NPC1L1: variants seen among roughly 807,000 people sequenced by gnomAD.
NPC1L1 encodes NPC1-like intracellular cholesterol transporter 1.
NPC1L1 carries 98 observed loss-of-function variants against 117.0 expected under a neutral mutation model. The observed-to-expected ratio is 0.84, with a 90% confidence interval of 0.71 to 0.99. The LOEUF is 0.99. NPC1L1 is among the 50% of genes least tolerant of loss of function. The pLI, the probability that NPC1L1 is intolerant of heterozygous loss-of-function variation, is 0.00. For synonymous variants in NPC1L1, 729 were observed against 727.6 expected (o/e 1.00, Z -0.03); for missense variants, 1,540 against 1,710.0 (o/e 0.90, Z 1.75).
In NPC1L1 at chr7:44,536,617, A is replaced by T. The variant is rs1801903720; in HGVS notation, c.1682-189T>A. On this transcript the variant is annotated intron_variant, in intron 3 of 18. Coordinates refer to ENST00000381160, the MANE Select transcript of NPC1L1 (RefSeq NM_001101648.2). This position sits in a 1 kb window ranked among gnomAD's most constrained non-coding sequence, Gnocchi z 4.7. ...ACCCCACTTCTCTCAGCCAAAGGCGAGACCTTTGGGCCCAGGCAGAAAAAC... is the reference window on the plus strand; with the variant it reads ...ACCCCACTTCTCTCAGCCAAAGGCGTGACCTTTGGGCCCAGGCAGAAAAAC... Among the ~76,000 whole-genome samples the T allele has an allele frequency of 6.6e-6, 1 of 152,044 alleles. No individual in the cohort carries two copies. The highest frequency in any genetic ancestry group is 2.4e-5 in the African/African-American group (1 of 41,376).
At position 44,517,190 on chromosome 7, in the gene NPC1L1, G is replaced by C. The variant is rs1563201091; in HGVS notation, c.3287+17C>G. 1 of 1,614,050 alleles carries C rather than the reference G, an allele frequency of 6.2e-7. No homozygotes were observed. The highest frequency in any genetic ancestry group is 1.3e-5 in the African/African-American group (1 of 75,060). ...CCATACCCCACCTCCCTCCAGCCCAGCCACTCAGGTCCTCACGTGTAGGGG... is the reference window on the plus strand; with the variant it reads ...CCATACCCCACCTCCCTCCAGCCCACCCACTCAGGTCCTCACGTGTAGGGG... On this transcript the variant is annotated intron_variant, in intron 15 of 18. Coordinates refer to ENST00000381160, the MANE Select transcript of NPC1L1 (RefSeq NM_001101648.2).
chr7:44,525,264 A>AT (rs113263098), intron 10 of NPC1L1, among the ~76,000 whole-genome samples: 489 of 147,908 alleles, frequency 3.3e-3, no homozygotes, highest in Non-Finnish European at 5.0e-3. Context: ...GGATATTATA[A>AT]TTTTTTTTTT....
intron 10 of NPC1L1, among the ~76,000 whole-genome samples, chr7:44,523,158 C>T (rs1352859045): frequency 2.6e-5 from 4 of 152,166 alleles, no homozygotes; most frequent in African/African-American, 9.7e-5. Context: ...TGGGTTCAAG[C>T]GATTCTTGTG....
chr7:44,516,284 G>A (rs912646998), intron 16 of NPC1L1, 87 bp from the exon 17 acceptor site: 30 of 1,121,442 alleles, frequency 2.7e-5, no homozygotes, highest in Middle Eastern at 2.6e-4. Flanking sequence ...ACCAGCGTGG[G>A]GCAGGCATCT....
intron 12 of NPC1L1, 44 bp from the exon 13 acceptor site, chr7:44,521,162 G>T: frequency 6.2e-7 from 1 of 1,613,076 alleles, no homozygotes. Flanking sequence ...CCCAGGGCCA[G>T]CAGCTCCTGC....
chr7:44,535,783 T>G, intron 5 of NPC1L1, 57 bp downstream of exon 5: 1 of 1,610,556 alleles, frequency 6.2e-7, no homozygotes, highest in South Asian at 1.1e-5. Context: ...GAAGGCCTAC[T>G]GAAGATGCCT....
At position 44,520,944 on chromosome 7, in the gene NPC1L1, G is replaced by T. The variant is rs766624429; in HGVS notation, c.3080+48C>A. ...GCCTCTCTATATTCAACCCCATCCT[G>T]TGTCCCACATGTCTGTCCTCCCCAG... On this transcript the variant is annotated intron_variant, in intron 13 of 18. Transcript: ENST00000381160. 6.8e-6 allele frequency: 11 copies of T among 1,613,898 alleles called. No homozygotes were observed. In the South Asian group the frequency reaches 1.2e-4, roughly 18 times the overall value.
chr7:44,527,764 A>G (rs1243284759), intron 10 of NPC1L1, among the ~76,000 whole-genome samples: 1 of 152,198 alleles, frequency 6.6e-6, no homozygotes, highest in East Asian at 1.9e-4. Flanking sequence ...CTTTTTGTAC[A>G]TGATTTAAGA....
chr7:44,536,357 G>T lies in NPC1L1; in HGVS notation c.1753C>A (p.Arg585Ser). The T allele has an allele frequency of 6.2e-7, 1 of 1,614,184 alleles. No individual in the cohort carries two copies. The highest frequency in any genetic ancestry group is 1.7e-5 in the Admixed American group (1 of 60,032). Residue 585 changes from arginine (R) to serine (S), a missense_variant, in exon 4 of 19, where the codon CGT becomes AGT. Around this residue, in one of 3 missense-constraint regions of NPC1L1, gnomAD observed 793 missense variants for 820.4 expected, o/e 0.97. Coordinates refer to ENST00000381160, the MANE Select transcript of NPC1L1 (RefSeq NM_001101648.2). The surrounding 1 kb of genome is among the most constrained non-coding windows in gnomAD (Gnocchi z 4.7). Reference protein sequence around the residue: ...SLNNYPAGDPRLAQAKLWEEA... With the variant: ...SLNNYPAGDPSLAQAKLWEEA... ...TCCCACAGCTTGGCCTGGGCCAGAC[G>T]GGGGTCCCCGGCAGGGTAATTGTTG...
In NPC1L1 at chr7:44,539,402, G is replaced by A. The variant is rs1235715863; in HGVS notation, c.995C>T (p.Ser332Phe). Reference protein sequence around the residue: ...GTSLSDKLSFSTHTLLGQFFQ... With the variant: ...GTSLSDKLSFFTHTLLGQFFQ... ...GAACTGGCCAAGGAGGGTGTGGGTGGAGAAGCTGAGCTTGTCAGAGAGGCT... is the reference window on the plus strand; with the variant it reads ...GAACTGGCCAAGGAGGGTGTGGGTGAAGAAGCTGAGCTTGTCAGAGAGGCT... Residue 332 changes from serine to phenylalanine, a missense_variant, in exon 2 of 19, where the codon TCC becomes TTC. Ser to Phe is a radical substitution (Grantham distance 155). This residue lies in a region of NPC1L1 where 793 missense variants were observed against 820.4 expected (regional missense o/e 0.97). Coordinates refer to ENST00000381160, the MANE Select transcript of NPC1L1 (RefSeq NM_001101648.2). This position sits in a 1 kb window ranked among gnomAD's most constrained non-coding sequence, Gnocchi z 4.4. The A allele has an allele frequency of 6.2e-7, 1 of 1,614,076 alleles. No homozygotes were observed. The highest frequency in any genetic ancestry group is 1.7e-5 in the Admixed American group (1 of 60,026).
Position 44,520,981 on chromosome 7 carries a change from C to T in NPC1L1, c.3080+11G>A. 1 of 1,614,188 alleles carries T rather than the reference C, an allele frequency of 6.2e-7. No individual in the cohort carries two copies. The highest frequency in any genetic ancestry group is 8.5e-7 in the Non-Finnish European group (1 of 1,180,036). ...TCTGTCCTCCCCAGCAGAAGGCCCT[C>T]CCAAGCTTACCCTTTGGGACATTTG... On this transcript the variant is annotated intron_variant, in intron 13 of 18. Coordinates refer to ENST00000381160, the MANE Select transcript of NPC1L1 (RefSeq NM_001101648.2).
intron 12 of NPC1L1, among the ~76,000 whole-genome samples, chr7:44,521,368 C>G (rs1801347698): frequency 6.6e-6 from 1 of 152,226 alleles, no homozygotes; most frequent in Non-Finnish European, 1.5e-5. Flanking sequence ...GGCCTCTCCA[C>G]CTACAAATGC....
intron 10 of NPC1L1, among the ~76,000 whole-genome samples, chr7:44,531,445 G>A (rs563568746): frequency 6.6e-6 from 1 of 152,356 alleles, no homozygotes; most frequent in East Asian, 1.9e-4. Flanking sequence ...AATTCGCAGG[G>A]CTGGACACTG....
In NPC1L1 at chr7:44,521,860, G is replaced by T; in HGVS notation, c.2829-24C>A. ...ACCTAAGGGGCAGGTGGGAGGAAGG[G>T]TGAAAAGGCCAGCTGGGCAGGGTGG... On this transcript the variant is annotated intron_variant, in intron 11 of 18. Transcript: ENST00000381160. The T allele has an allele frequency of 1.9e-6, 3 of 1,613,848 alleles. No homozygotes were observed. The South Asian group carries it at 3.3e-5, about 18-fold the overall frequency.
chr7:44,522,365 C>T (rs1801388416), intron 10 of NPC1L1, 123 bp from the exon 11 acceptor site: 3 of 925,072 alleles, frequency 3.2e-6, no homozygotes, highest in Non-Finnish European at 5.1e-6. Flanking sequence ...GTTCAGAGGT[C>T]CATGATCAGA....
rs1473639725 is a variant in NPC1L1, at chr7:44,539,404, G to A, written c.993C>T (p.Phe331=). The A allele has an allele frequency of 6.2e-7, 1 of 1,614,104 alleles. No homozygotes were observed. The highest frequency in any genetic ancestry group is 1.1e-5 in the South Asian group (1 of 91,080). ...KGTSLSDKLS[F]STHTLLGQFF... Reference sequence around the variant, plus strand: ...ACTGGCCAAGGAGGGTGTGGGTGGAGAAGCTGAGCTTGTCAGAGAGGCTGG... The same window carrying A: ...ACTGGCCAAGGAGGGTGTGGGTGGAAAAGCTGAGCTTGTCAGAGAGGCTGG... The change falls in exon 2 of 19, where the codon TTC becomes TTT. Residue 331 remains phenylalanine, a synonymous_variant. Transcript: ENST00000381160. The surrounding 1 kb of genome is among the most constrained non-coding windows in gnomAD (Gnocchi z 4.4).
Position 44,521,132 on chromosome 7 carries a change from AG to A in NPC1L1, c.2954-15del. 6.2e-7 allele frequency: 1 copy of A among 1,614,006 alleles called. No individual in the cohort carries two copies. The highest frequency in any genetic ancestry group is 8.5e-7 in the Non-Finnish European group (1 of 1,180,022). Reference sequence around the variant, plus strand: ...AGTTCAGAGAGTCTGCAGAGAAAGCAGGGGTCTGGGCAGTGACACCCCAGGG... The same window carrying A: ...AGTTCAGAGAGTCTGCAGAGAAAGCAGGGTCTGGGCAGTGACACCCCAGGG... On this transcript the variant is annotated splice_polypyrimidine_tract_variant and intron_variant, in intron 12 of 18. Transcript: ENST00000381160.
In NPC1L1 at chr7:44,516,821, TC is replaced by T. The variant is rs1385870240; in HGVS notation, c.3400del (p.Asp1134ThrfsTer14). 1 of 1,613,986 alleles carries T rather than the reference TC, an allele frequency of 6.2e-7. No homozygotes were observed. The highest frequency in any genetic ancestry group is 1.7e-5 in the Admixed American group (1 of 60,008). ...CAGGTTGAGGAGGCCGGAGCGCAGG[TC>T]CAGGCCCAGCAGGAGGCAGGAGACA... Reference protein sequence around the residue: ...FAVSCLLLGLDLRSGLLNLLS... With the variant: ...FAVSCLLLGLXLRSGLLNLLS... On this transcript the variant is annotated frameshift_variant, in exon 16 of 19. Transcript: ENST00000381160. LOFTEE classifies it high-confidence loss of function.
chr7:44,521,594 G>C, intron 12 of NPC1L1, 118 bp downstream of exon 12: 1 of 1,521,922 alleles, frequency 6.6e-7, no homozygotes, highest in South Asian at 1.1e-5. Flanking sequence ...CCATGCCCCC[G>C]ACAGACCCTG....
Sources: allele counts gnomAD v4.1 joint callset (sites outside exome capture counted in the v4.1 genomes callset), GRCh38; gene constraint gnomAD v4.1.1; regional missense constraint gnomAD v4.1.1; non-coding constraint Gnocchi (gnomAD v3.1); transcripts MANE v1.5; gene names NCBI Gene and HGNC (gene_info 2026-07-23, HGNC 2026-07-21).